Variants in HS3ST5 observed in about 807,000 individuals in gnomAD.
HS3ST5 encodes heparan sulfate-glucosamine 3-sulfotransferase 5, also known as heparan sulfate glucosamine 3-O-sulfotransferase 5.
HS3ST5 carries 10 observed loss-of-function variants against 25.4 expected under a neutral mutation model. The observed-to-expected ratio is 0.39, with a 90% confidence interval of 0.24 to 0.67. The LOEUF (loss-of-function observed/expected upper bound fraction) is 0.67, where lower values mean the gene tolerates loss of function less well. HS3ST5 is among the 30% of genes least tolerant of loss of function. The pLI is 0.44. For missense variants in HS3ST5, 324 were observed against 420.7 expected, an observed-to-expected ratio of 0.77 and a Z score of 2.01; for synonymous variants, 170 against 162.4, an observed-to-expected ratio of 1.05 and a Z score of -0.36.
chr6:114,207,756 G>A (rs1781338935), intron 2 of HS3ST5, among the ~76,000 whole-genome samples: 1 of 151,966 alleles, frequency 6.6e-6, no homozygotes, highest in South Asian at 2.1e-4. Context: ...TTATACTGTT[G>A]CTGTATTATA....
intron 3 of HS3ST5, among the ~76,000 whole-genome samples, chr6:114,150,866 C>CT (rs1235104922): frequency 6.6e-6 from 1 of 152,098 alleles, no homozygotes. Context: ...CATTGGAAAA[C>CT]GTGTGTTTTG....
intron 3 of HS3ST5, among the ~76,000 whole-genome samples, chr6:114,104,865 T>A (rs1024123742): frequency 2.0e-5 from 3 of 152,224 alleles, no homozygotes; most frequent in Non-Finnish European, 4.4e-5. Context: ...TTTACCACCT[T>A]TGTCCATCCA....
chr6:114,240,276 A>G (rs1471870512), intron 1 of HS3ST5, among the ~76,000 whole-genome samples: 1 of 152,036 alleles, frequency 6.6e-6, no homozygotes, highest in African/African-American at 2.4e-5. Context: ...TGGCCTCCCT[A>G]TTACAGCTGC....
intron 1 of HS3ST5, among the ~76,000 whole-genome samples, chr6:114,317,249 A>AT (rs1775779078): frequency 6.6e-6 from 1 of 152,164 alleles, no homozygotes; most frequent in African/African-American, 2.4e-5. Context: ...GTTTAGGTAA[A>AT]ATATATAGGT....
chr6:114,282,497 C>T (rs532344822), intron 1 of HS3ST5, among the ~76,000 whole-genome samples: 135 of 152,084 alleles, frequency 8.9e-4, no homozygotes, highest in African/African-American at 3.2e-3. Context: ...CCAATTTTCT[C>T]GGTCTGTCGG....
chr6:114,309,316 A>C (rs1775433847), intron 1 of HS3ST5, among the ~76,000 whole-genome samples: 1 of 152,230 alleles, frequency 6.6e-6, no homozygotes, highest in African/African-American at 2.4e-5. Flanking sequence ...AGTAATAGGT[A>C]AAAACCTCTT....
intron 3 of HS3ST5, among the ~76,000 whole-genome samples, chr6:114,154,190 G>A (rs1778590481): frequency 6.6e-6 from 1 of 152,172 alleles, no homozygotes. Flanking sequence ...TCATTTCTTG[G>A]CCAGCTCTGA....
chr6:114,196,202 C>T lies in HS3ST5; in HGVS notation c.-144-27740G>A, dbSNP rs140853054. Among the ~76,000 whole-genome samples, 369 of 152,182 alleles carry T rather than the reference C, an allele frequency of 2.4e-3. 1 individual carries two copies. Among genetic ancestry groups the T allele is most frequent in the Non-Finnish European group, 4.3e-3 (292 of 67,998 alleles). ...CTCTTGGTTGTGAGATGAAGAACTCCGGGTGGTACTTCACAATGAGACACT... is the reference window on the plus strand; with the variant it reads ...CTCTTGGTTGTGAGATGAAGAACTCTGGGTGGTACTTCACAATGAGACACT... On this transcript the variant is annotated intron_variant, in intron 2 of 4. Coordinates refer to ENST00000312719, the MANE Select transcript of HS3ST5 (RefSeq NM_153612.4).
At chr6:114,249,279 T>A (rs1772531381) in intron 1 of HS3ST5, among the ~76,000 whole-genome samples, 1 of 152,240 alleles carries the variant, frequency 6.6e-6, no homozygotes, top group Non-Finnish European at 1.5e-5. Context: ...CCCTTACATG[T>A]TTTTCTTATT....
intron 3 of HS3ST5, among the ~76,000 whole-genome samples, chr6:114,136,379 G>T (rs1419072539): frequency 6.6e-6 from 1 of 152,144 alleles, no homozygotes; most frequent in Non-Finnish European, 1.5e-5. Flanking sequence ...TGCCATGTAG[G>T]ATGTGACTTT....
At chr6:114,077,703 G>A (rs1278019407) in intron 3 of HS3ST5, among the ~76,000 whole-genome samples, 1 of 152,104 alleles carries the variant, frequency 6.6e-6, no homozygotes, top group African/African-American at 2.4e-5. Context: ...AACAGTTGAA[G>A]GTATCTATTT....
intron 2 of HS3ST5, among the ~76,000 whole-genome samples, chr6:114,206,971 G>A (rs928984570): frequency 1.6e-4 from 25 of 152,118 alleles, no homozygotes; most frequent in African/African-American, 5.6e-4. Context: ...GTCTGATGCT[G>A]CAATCAATGA....
chr6:114,137,373 A>G (rs1438731029), intron 3 of HS3ST5, among the ~76,000 whole-genome samples: 1 of 152,208 alleles, frequency 6.6e-6, no homozygotes. Flanking sequence ...ATACACACCT[A>G]TAGACATCAC....
chr6:114,062,968 A>G lies in HS3ST5; in HGVS notation c.-32-91T>C, dbSNP rs1773221101. On this transcript the variant is annotated intron_variant, in intron 3 of 4. Coordinates refer to ENST00000312719, the MANE Select transcript of HS3ST5 (RefSeq NM_153612.4). ...AGAGGTGGAAGACAGGTGATAAGTG[A>G]CACTGCACAAAGAGCAGATCCCATA... 2.1e-5 allele frequency: 14 copies of G among 675,104 alleles called. No individual in the cohort carries two copies. In the South Asian group the frequency reaches 2.6e-4, roughly 12 times the overall value. 41.8% of individuals were successfully genotyped at this position (675,104 alleles called of 1,614,324 possible).
At chr6:114,338,751 G>C (rs1776710185) in intron 1 of HS3ST5, among the ~76,000 whole-genome samples, 1 of 152,008 alleles carries the variant, frequency 6.6e-6, no homozygotes, top group Non-Finnish European at 1.5e-5. Context: ...ATTGATTCCA[G>C]AGGCAGCAAA....
chr6:114,101,716 T>C (rs1345798073), intron 3 of HS3ST5, among the ~76,000 whole-genome samples: 2 of 152,324 alleles, frequency 1.3e-5, no homozygotes, highest in Non-Finnish European at 1.5e-5. Context: ...TCCAAAGGAA[T>C]AGAAATTATT....
intron 4 of HS3ST5, among the ~76,000 whole-genome samples, chr6:114,060,682 T>A (rs1773057856): frequency 6.6e-6 from 1 of 152,202 alleles, no homozygotes; most frequent in Admixed American, 6.5e-5. Context: ...TGAGAGTGGC[T>A]GATATAGACA....
At chr6:114,325,165 A>C (rs978529047) in intron 1 of HS3ST5, among the ~76,000 whole-genome samples, 1 of 152,182 alleles carries the variant, frequency 6.6e-6, no homozygotes, top group Non-Finnish European at 1.5e-5. Context: ...TTCAGTAAGA[A>C]ATTTGGCTTG....
At chr6:114,176,270 T>A (rs1160526868) in intron 2 of HS3ST5, among the ~76,000 whole-genome samples, 1 of 151,888 alleles carries the variant, frequency 6.6e-6, no homozygotes, top group African/African-American at 2.4e-5. Flanking sequence ...GGCAATGTGC[T>A]TTTTCTCAGA....
Sources: gnomAD v4.1 joint callset for allele counts (sites outside exome capture counted in the v4.1 genomes callset) on GRCh38, gnomAD v4.1.1 for gene constraint, MANE v1.5 for transcripts, NCBI Gene and HGNC (gene_info 2026-07-23, HGNC 2026-07-21) for gene names.